Variants in ST8SIA1 observed in about 807,000 individuals in gnomAD.
ST8SIA1 encodes ST8 alpha-N-acetyl-neuraminide alpha-2,8-sialyltransferase 1.
Under a neutral mutation model 35.9 loss-of-function variants are expected in ST8SIA1, and 16 were observed. The observed-to-expected ratio is 0.45, with a 90% CI of 0.30 to 0.68. The LOEUF (loss-of-function observed/expected upper bound fraction) is 0.68. Ranked by LOEUF, ST8SIA1 falls within the 30% of genes least tolerant of loss-of-function variation. ST8SIA1 has a pLI of 0.09. For synonymous variants in ST8SIA1, 170 were observed against 169.6 expected (o/e 1.00, Z -0.02); for missense variants, 383 against 453.6 (o/e 0.84, Z 1.41).
chr12:22,292,190 T>A (rs1422335564), intron 1 of ST8SIA1, among the ~76,000 whole-genome samples: 1 of 152,148 alleles, frequency 6.6e-6, no homozygotes, highest in African/African-American at 2.4e-5. Flanking sequence ...AAATGTTAAA[T>A]CTGCCCTCAA....
At chr12:22,229,615 C>CAAAAAAAAAAAAAAAAAAAAAAAATAA (rs11290260) in intron 4 of ST8SIA1, among the ~76,000 whole-genome samples, 1 of 93,746 alleles carries the variant, frequency 1.1e-5, no homozygotes. Flanking sequence ...GACCGGGTTT[C>CAAAAAAAAAAAAAAAAAAAAAAAATAA]AAAAAAAAAA....
chr12:22,257,303 C>T (rs560686212), intron 2 of ST8SIA1, among the ~76,000 whole-genome samples: 22 of 151,988 alleles, frequency 1.4e-4, no homozygotes, highest in Non-Finnish European at 2.6e-4. Flanking sequence ...CTCCCACCTC[C>T]GGGATTCAAG....
chr12:22,230,311 A>G (rs1202238978), intron 4 of ST8SIA1, among the ~76,000 whole-genome samples: 1 of 152,174 alleles, frequency 6.6e-6, no homozygotes, highest in African/African-American at 2.4e-5. Flanking sequence ...ACCTTCTAAG[A>G]GCCTCTAGTC....
At chr12:22,307,638 C>T (rs930410170) in intron 1 of ST8SIA1, among the ~76,000 whole-genome samples, 3 of 152,134 alleles carry the variant, frequency 2.0e-5, no homozygotes, top group Admixed American at 6.6e-5. Flanking sequence ...TACTGCTTCC[C>T]GTGTTGTGAG....
chr12:22,236,171 C>T (rs553845871), intron 4 of ST8SIA1, among the ~76,000 whole-genome samples: 2 of 152,270 alleles, frequency 1.3e-5, no homozygotes, highest in East Asian at 1.9e-4. Flanking sequence ...TCCTCAACCC[C>T]TCTCTTTTGC....
intron 4 of ST8SIA1, among the ~76,000 whole-genome samples, chr12:22,229,615 C>CAAAAAA (rs11290260): frequency 1.1e-5 from 1 of 93,746 alleles, no homozygotes; most frequent in African/African-American, 4.0e-5. Context: ...GACCGGGTTT[C>CAAAAAA]AAAAAAAAAA....
rs918173790 is a variant in ST8SIA1 at position 22,252,510 on chromosome 12, T to C, written c.491+2770A>G. 3.9e-5 allele frequency among the ~76,000 whole-genome samples: 6 copies of C among 152,356 alleles called. No homozygotes were observed. The East Asian group carries it at 1.2e-3, about 29-fold the overall frequency. Reference sequence around the variant, plus strand: ...TACATAAGGCTTTTAAACATTAAAATGTGTCATAAAACAGAACTATTCTTG... The same window carrying C: ...TACATAAGGCTTTTAAACATTAAAACGTGTCATAAAACAGAACTATTCTTG... On this transcript the variant is annotated intron_variant, in intron 3 of 4. Coordinates refer to ENST00000396037, the MANE Select transcript of ST8SIA1 (RefSeq NM_003034.4).
intron 2 of ST8SIA1, among the ~76,000 whole-genome samples, chr12:22,284,013 A>T (rs1866066156): frequency 6.6e-6 from 1 of 152,188 alleles, no homozygotes; most frequent in Non-Finnish European, 1.5e-5. Flanking sequence ...CAAATAGCAT[A>T]GAACTAACTA....
chr12:22,283,279 G>A (rs1332862529), intron 2 of ST8SIA1, among the ~76,000 whole-genome samples: 1 of 152,112 alleles, frequency 6.6e-6, no homozygotes, highest in African/African-American at 2.4e-5. Flanking sequence ...AATACCAAAA[G>A]GAAATATTTT....
At chr12:22,263,895 T>G (rs374517485) in intron 2 of ST8SIA1, among the ~76,000 whole-genome samples, 1 of 152,218 alleles carries the variant, frequency 6.6e-6, no homozygotes, top group Admixed American at 6.5e-5. Flanking sequence ...CAGAGTGGTC[T>G]GAAAGGCTGT....
chr12:22,222,973 TG>T (rs528487627), intron 4 of ST8SIA1, among the ~76,000 whole-genome samples: 405 of 152,306 alleles, frequency 2.7e-3, no homozygotes, highest in Non-Finnish European at 3.6e-3. Context: ...CAAGCCTTTT[TG>T]GGATCTCTTC....
Position 22,196,751 on chromosome 12 carries a change from G to T in ST8SIA1, c.*4801C>A, listed in dbSNP as rs1864993709. 6.6e-6 allele frequency: 1 copy of T among 152,256 alleles called. No homozygotes were observed. Among genetic ancestry groups the T allele is most frequent in the Non-Finnish European group, 1.5e-5 (1 of 68,082 alleles). 9.4% of individuals were successfully genotyped at this position (152,256 alleles called of 1,614,324 possible). A position where few individuals can be genotyped will look rare whatever the true frequency, so the allele number is the denominator to read the frequency against. On this transcript the variant is annotated 3_prime_UTR_variant, in exon 5 of 5. Coordinates refer to ENST00000396037, the MANE Select transcript of ST8SIA1 (RefSeq NM_003034.4). ...CTGGCAGGGCTATAACTAGGTCGGG[G>T]TGATCAGACTCTGCCACAAAACACC...
intron 2 of ST8SIA1, among the ~76,000 whole-genome samples, chr12:22,263,075 C>T (rs1865809912): frequency 6.6e-6 from 1 of 152,144 alleles, no homozygotes; most frequent in African/African-American, 2.4e-5. Flanking sequence ...AAGGCCTGAA[C>T]AGATATGAGG....
intron 4 of ST8SIA1, among the ~76,000 whole-genome samples, chr12:22,214,504 T>C (rs1351953987): frequency 2.3e-5 from 3 of 128,056 alleles, no homozygotes; most frequent in African/African-American, 8.7e-5. Context: ...CATGTCCCAT[T>C]TAAGGATTTC....
chr12:22,227,846 A>G (rs1315568780), intron 4 of ST8SIA1, among the ~76,000 whole-genome samples: 1 of 152,172 alleles, frequency 6.6e-6, no homozygotes, highest in Non-Finnish European at 1.5e-5. Flanking sequence ...TCTAGCAAAC[A>G]ATCATCTAAA....
At chr12:22,259,086 T>G (rs1865758047) in intron 2 of ST8SIA1, among the ~76,000 whole-genome samples, 1 of 152,190 alleles carries the variant, frequency 6.6e-6, no homozygotes, top group Admixed American at 6.5e-5. Flanking sequence ...CTTTTTCATT[T>G]CTTTCCTCCT....
chr12:22,288,038 T>C (rs1300263358), intron 1 of ST8SIA1, among the ~76,000 whole-genome samples: 2 of 152,086 alleles, frequency 1.3e-5, no homozygotes, highest in East Asian at 1.9e-4. Flanking sequence ...TGGGGTAACC[T>C]CACCCTTCTG....
At chr12:22,247,431 G>T (rs1865619397) in intron 4 of ST8SIA1, among the ~76,000 whole-genome samples, 1 of 151,968 alleles carries the variant, frequency 6.6e-6, no homozygotes, top group South Asian at 2.1e-4. Context: ...GAATCTACAG[G>T]TATTTAAAAA....
intron 1 of ST8SIA1, 93 bp downstream of exon 1, chr12:22,333,904 A>G (rs1866804621): frequency 9.2e-7 from 1 of 1,083,298 alleles, no homozygotes; most frequent in East Asian, 2.4e-5. Context: ...TGCCTCTGCG[A>G]GACGGTGCAA....
Sources: gnomAD v4.1 joint callset for allele counts (sites outside exome capture counted in the v4.1 genomes callset) on GRCh38, gnomAD v4.1.1 for gene constraint, MANE v1.5 for transcripts, NCBI Gene and HGNC (gene_info 2026-07-23, HGNC 2026-07-21) for gene names.